BLTP1: variants seen among roughly 807,000 people sequenced by gnomAD.
BLTP1 encodes fragile site-associated protein.
the BLTP1 span, chr4:122,299,810 A>T: frequency 1.0e-6 from 1 of 984,720 alleles, no homozygotes; most frequent in East Asian, 1.1e-4. Context: ...GTAAGGGATG[A>T]TTGTAGATTT....
chr4:122,169,655 C>T, the BLTP1 span: 2 of 959,476 alleles, frequency 2.1e-6, no homozygotes, highest in Non-Finnish European at 2.5e-6. Context: ...ATTCATCCTA[C>T]TGTGTGTGCA....
At chr4:122,323,090 A>G in the BLTP1 span, among the ~76,000 whole-genome samples, 1 of 152,006 alleles carries the variant, frequency 6.6e-6, no homozygotes, top group Non-Finnish European at 1.5e-5. Context: ...ACTTGTCTGC[A>G]CTGAACCTTC....
the BLTP1 span, chr4:122,170,668 G>A: frequency 6.3e-7 from 1 of 1,577,986 alleles, no homozygotes; most frequent in Non-Finnish European, 8.6e-7. Context: ...GGAAGAATGA[G>A]AGTATTGTTC....
At chr4:122,340,979 A>G in the BLTP1 span, 5 of 241,466 alleles carry the variant, frequency 2.1e-5, no homozygotes, top group Non-Finnish European at 3.3e-5. Flanking sequence ...TCTGCTATGT[A>G]ACTTTTTAAA....
At chr4:122,240,465 G>C in the BLTP1 span, 12 of 843,514 alleles carry the variant, frequency 1.4e-5, no homozygotes, top group South Asian at 2.1e-4. Context: ...CTGAGAGAGA[G>C]ACTTTCTGAA....
the BLTP1 span, chr4:122,239,868 TC>T: frequency 6.2e-7 from 1 of 1,613,978 alleles, no homozygotes; most frequent in Admixed American, 1.7e-5. Flanking sequence ...AGCCTACTTT[TC>T]TGCTGCTGAG....
the BLTP1 span, among the ~76,000 whole-genome samples, chr4:122,296,404 A>G: frequency 6.6e-6 from 1 of 152,214 alleles, no homozygotes; most frequent in Admixed American, 6.5e-5. Context: ...AGCACTGCTC[A>G]AGGAAATCAG....
the BLTP1 span, chr4:122,263,270 T>A: frequency 1.5e-5 from 15 of 982,010 alleles, no homozygotes; most frequent in African/African-American, 1.7e-5. Flanking sequence ...ATAATAAAAA[T>A]AAGCTATTTA....
chr4:122,302,071 A>G, the BLTP1 span: 1 of 233,646 alleles, frequency 4.3e-6, no homozygotes, highest in Non-Finnish European at 7.0e-6. Context: ...ACCTGTCTTA[A>G]AAAACAAACA....
chr4:122,207,171 G>A, the BLTP1 span: 5 of 1,610,646 alleles, frequency 3.1e-6, no homozygotes, highest in South Asian at 2.2e-5. Context: ...TTCCATATAC[G>A]TGGAATTTTA....
At chr4:122,205,834 C>A in the BLTP1 span, 1 of 276,040 alleles carries the variant, frequency 3.6e-6, no homozygotes, top group Non-Finnish European at 5.4e-6. Flanking sequence ...ATTTTATGTA[C>A]ATGGTATTGT....
chr4:122,306,177 CA>C, the BLTP1 span: 4,195 of 763,584 alleles, frequency 5.5e-3, no homozygotes, highest in South Asian at 9.0e-3. Flanking sequence ...TGTGTGTATC[CA>C]AAAAAAAAAT....
chr4:122,173,414 T>G, the BLTP1 span, among the ~76,000 whole-genome samples: 1 of 152,040 alleles, frequency 6.6e-6, no homozygotes. Context: ...CTTGCTCAGG[T>G]CTCTTTTTCC....
At chr4:122,345,490 T>G in the BLTP1 span, among the ~76,000 whole-genome samples, 1 of 151,992 alleles carries the variant, frequency 6.6e-6, no homozygotes, top group African/African-American at 2.4e-5. Context: ...AAGTGAACAT[T>G]TAATTGGTTG....
the BLTP1 span, chr4:122,277,741 G>A: frequency 1.0e-6 from 1 of 981,908 alleles, no homozygotes; most frequent in South Asian, 4.7e-5. Context: ...TCAATTTCTT[G>A]TAACATAGTG....
chr4:122,170,524 G>T, the BLTP1 span: 2 of 1,351,336 alleles, frequency 1.5e-6, no homozygotes, highest in Non-Finnish European at 1.9e-6. Flanking sequence ...AATCAACTTC[G>T]TTTATTAAAT....
At chr4:122,207,511 C>CTTTTTTT in the BLTP1 span, 8 of 1,324,412 alleles carry the variant, frequency 6.0e-6, no homozygotes, top group South Asian at 3.4e-5. Flanking sequence ...TTTACTTTTT[C>CTTTTTTT]TTCTTTTTTT....
the BLTP1 span, chr4:122,250,132 C>CT: frequency 6.7e-6 from 3 of 449,476 alleles, no homozygotes; most frequent in East Asian, 3.2e-4. Context: ...GTGTATAACA[C>CT]TTTTTTTAGG....
chr4:122,251,110 A>G, the BLTP1 span: 1 of 985,170 alleles, frequency 1.0e-6, no homozygotes. Context: ...ATGTCGTGCC[A>G]CTAACTGGTG....
Sources: gnomAD v4.1 joint callset for allele counts (sites outside exome capture counted in the v4.1 genomes callset) on GRCh38, gnomAD v4.1.1 for gene constraint, MANE v1.5 for transcripts, NCBI Gene and HGNC (gene_info 2026-07-23, HGNC 2026-07-21) for gene names.